FHIT: variants seen among roughly 807,000 people sequenced by gnomAD.
FHIT encodes fragile histidine triad diadenosine triphosphatase, also known as bis(5'-adenosyl)-triphosphatase.
A neutral mutation model predicts 17.9 loss-of-function variants in FHIT; 19 were observed. The observed-to-expected ratio is 1.06, with a 90% CI of 0.74 to 1.56. The LOEUF (loss-of-function observed/expected upper bound fraction) is 1.56. Among genes scored for constraint, FHIT ranks in the 40% most tolerant of loss-of-function variants. The pLI, the probability that FHIT is intolerant of heterozygous loss-of-function variation, is 0.00. For synonymous variants in FHIT, 81 were observed against 69.7 expected (o/e 1.16, Z -0.81); for missense variants, 248 against 189.2 (o/e 1.31, Z -1.82).
At chr3:60,961,977 T>C (rs1709476179) in intron 3 of FHIT, among the ~76,000 whole-genome samples, 1 of 152,218 alleles carries the variant, frequency 6.6e-6, no homozygotes, top group Non-Finnish European at 1.5e-5. Flanking sequence ...AAGTCATTGG[T>C]AGCTTGATGG....
chr3:59,850,584 G>A (rs1484173244), intron 8 of FHIT, among the ~76,000 whole-genome samples: 2 of 152,132 alleles, frequency 1.3e-5, no homozygotes, highest in African/African-American at 4.8e-5. Context: ...TTAATGAGCC[G>A]ATACAAGCTC....
chr3:60,535,539 T>C (rs1362669462), intron 5 of FHIT, among the ~76,000 whole-genome samples: 3 of 152,040 alleles, frequency 2.0e-5, no homozygotes, highest in African/African-American at 7.2e-5. Flanking sequence ...ACACAATTGG[T>C]ATTAAAATTA....
intron 5 of FHIT, among the ~76,000 whole-genome samples, chr3:60,445,917 T>C (rs1260013029): frequency 6.6e-6 from 1 of 152,146 alleles, no homozygotes; most frequent in Non-Finnish European, 1.5e-5. Flanking sequence ...ATAAAAATCA[T>C]TCAAAAGCCT....
At chr3:61,083,936 G>A (rs891970072) in intron 2 of FHIT, among the ~76,000 whole-genome samples, 4 of 151,766 alleles carry the variant, frequency 2.6e-5, no homozygotes, top group Admixed American at 6.6e-5. Flanking sequence ...TCCACTTTGG[G>A]GCTATTAGAT....
chr3:59,942,081 G>A (rs1420918477), intron 7 of FHIT, among the ~76,000 whole-genome samples: 1 of 152,026 alleles, frequency 6.6e-6, no homozygotes, highest in African/African-American at 2.4e-5. Flanking sequence ...AGCAACTAGG[G>A]GTGGACCCTG....
intron 3 of FHIT, among the ~76,000 whole-genome samples, chr3:60,882,228 T>C (rs9847761): frequency 0.024 from 3,587 of 152,110 alleles, 126 homozygotes; most frequent in African/African-American, 0.082. Flanking sequence ...GTTGAATCAA[T>C]AATTTTAAAA....
chr3:60,172,691 A>G (rs1487557517), intron 5 of FHIT, among the ~76,000 whole-genome samples: 1 of 152,126 alleles, frequency 6.6e-6, no homozygotes, highest in Non-Finnish European at 1.5e-5. Context: ...AAAACTTAGT[A>G]TATGTGAGGA....
At chr3:60,652,500 C>T (rs1320168235) in intron 4 of FHIT, among the ~76,000 whole-genome samples, 2 of 151,824 alleles carry the variant, frequency 1.3e-5, no homozygotes, top group African/African-American at 4.8e-5. Context: ...TTGGGAGGCC[C>T]AGGAGGGCGG....
intron 5 of FHIT, among the ~76,000 whole-genome samples, chr3:60,248,468 G>C (rs1705518519): frequency 1.3e-5 from 2 of 152,108 alleles, no homozygotes; most frequent in South Asian, 4.1e-4. Context: ...ATGATTCTTG[G>C]CTTTATTCAG....
intron 4 of FHIT, among the ~76,000 whole-genome samples, chr3:60,559,110 A>T (rs1156735859): frequency 1.3e-5 from 2 of 152,158 alleles, no homozygotes; most frequent in Non-Finnish European, 2.9e-5. Context: ...TTGTGATATA[A>T]TTTTTAAATT....
At chr3:60,397,400 T>A (rs771342976) in intron 5 of FHIT, among the ~76,000 whole-genome samples, 14 of 152,066 alleles carry the variant, frequency 9.2e-5, no homozygotes, top group Non-Finnish European at 1.9e-4. Context: ...GGCTCCAGGG[T>A]ACTTCCAAGA....
chr3:60,895,665 CCTTTCTTT>C (rs141279352), intron 3 of FHIT, among the ~76,000 whole-genome samples: 13,215 of 106,032 alleles, frequency 0.12, 1,020 homozygotes, highest in East Asian at 0.19. Flanking sequence ...TTCCTTCCTT[CCTTTCTTT>C]CTTTCTTTCT....
intron 3 of FHIT, among the ~76,000 whole-genome samples, chr3:60,929,635 C>T (rs2107358462): frequency 6.6e-6 from 1 of 152,172 alleles, no homozygotes; most frequent in Middle Eastern, 3.4e-3. Context: ...GAATAAAATA[C>T]CTAGGAATCC....
At chr3:61,191,459 C>T (rs2038714189) in intron 2 of FHIT, among the ~76,000 whole-genome samples, 1 of 152,108 alleles carries the variant, frequency 6.6e-6, no homozygotes, top group Non-Finnish European at 1.5e-5. Flanking sequence ...AGCTTGCAGA[C>T]AGCACATCAT....
At chr3:60,803,194 T>C (rs1701257321) in intron 4 of FHIT, among the ~76,000 whole-genome samples, 1 of 152,156 alleles carries the variant, frequency 6.6e-6, no homozygotes, top group Non-Finnish European at 1.5e-5. Flanking sequence ...GTGGGGTTGC[T>C]CTTTGTTAAT....
intron 4 of FHIT, among the ~76,000 whole-genome samples, chr3:60,807,163 C>G (rs2106696299): frequency 6.6e-6 from 1 of 152,258 alleles, no homozygotes; most frequent in African/African-American, 2.4e-5. Context: ...TTTTATTCAT[C>G]TAGAAGTTGT....
At chr3:61,034,840 A>T (rs1328968765) in intron 3 of FHIT, among the ~76,000 whole-genome samples, 1 of 152,196 alleles carries the variant, frequency 6.6e-6, no homozygotes, top group African/African-American at 2.4e-5. Flanking sequence ...ATACATGTTC[A>T]TAGCAGCACT....
chr3:61,201,380 G>A (rs1189338684), intron 1 of FHIT, among the ~76,000 whole-genome samples: 4 of 152,190 alleles, frequency 2.6e-5, no homozygotes, highest in African/African-American at 9.6e-5. Context: ...GTATCGTGAA[G>A]CTGGTTCTTT....
intron 7 of FHIT, among the ~76,000 whole-genome samples, chr3:59,970,964 A>G (rs1029746869): frequency 7.2e-5 from 11 of 151,872 alleles, no homozygotes; most frequent in Non-Finnish European, 1.2e-4. Context: ...GGAGCCCCAG[A>G]GCCAGAAAAT....
Sources: gnomAD v4.1 joint callset for allele counts (sites outside exome capture counted in the v4.1 genomes callset) on GRCh38, gnomAD v4.1.1 for gene constraint, MANE v1.5 for transcripts, NCBI Gene and HGNC (gene_info 2026-07-23, HGNC 2026-07-21) for gene names.